CATIP: variants seen among roughly 807,000 people sequenced by gnomAD.
CATIP encodes ciliogenesis associated TTC17 interacting protein, also known as ciliogenesis-associated TTC17-interacting protein.
Under a neutral mutation model 42.5 loss-of-function variants are expected in CATIP, and 40 were observed. The ratio of observed to expected loss-of-function variants is 0.94; its 90% CI spans 0.73 to 1.22. The LOEUF is 1.22. CATIP is among the 50% of genes most tolerant of loss of function. The probability of loss-of-function intolerance (pLI) is 0.00; values close to 1 mark genes in which losing one functional copy is unlikely to be tolerated. For missense variants in CATIP, 489 were observed against 496.0 expected (o/e 0.99, Z 0.13); for synonymous variants, 222 against 200.2 (o/e 1.11, Z -0.92).
At chr2:218,358,883 C>CAAAAAAAAAAA (rs34797850) in intron 4 of CATIP, among the ~76,000 whole-genome samples, 1 of 123,688 alleles carries the variant, frequency 8.1e-6, no homozygotes, top group Non-Finnish European at 1.6e-5. Flanking sequence ...GACCCTGTCT[C>CAAAAAAAAAAA]AAAAAAAAAA....
chr2:218,367,206 C>A (rs1369213943), intron 8 of CATIP, 106 bp downstream of exon 8: 2 of 893,788 alleles, frequency 2.2e-6, no homozygotes, highest in East Asian at 2.6e-5. Context: ...GTAAACGGGA[C>A]AGGAGCCTGG....
rs1207066205 is a variant in CATIP, at chr2:218,367,536, C to A, written c.921+18C>A. The A allele has an allele frequency of 3.7e-6, 6 of 1,612,740 alleles. No individual in the cohort carries two copies. The highest frequency in any genetic ancestry group is 5.1e-6 in the Non-Finnish European group (6 of 1,178,714). On this transcript the variant is annotated intron_variant, in intron 9 of 9. Transcript: ENST00000289388. ...ACCGGAAGGTGAGGGGAGGCTCCAC[C>A]AGCCTGGGGTTCCCATTCCCCCATG... is the stretch of plus-strand genomic sequence containing the variant.
At chr2:218,362,497 G>C (rs928371667) in intron 5 of CATIP, among the ~76,000 whole-genome samples, 1 of 152,016 alleles carries the variant, frequency 6.6e-6, no homozygotes, top group Non-Finnish European at 1.5e-5. Context: ...AATTTAGCCA[G>C]GCATGGTAGC....
chr2:218,357,857 G>C (rs573757108), intron 3 of CATIP, 123 bp downstream of exon 3: 3 of 1,166,022 alleles, frequency 2.6e-6, no homozygotes, highest in East Asian at 2.4e-5. Flanking sequence ...GACAAGGCAC[G>C]GGGTGGGAGA....
At chr2:218,357,259 GTCTCTC>G (rs144807145) in intron 2 of CATIP, 72 bp downstream of exon 2, 105 of 607,680 alleles carry the variant, frequency 1.7e-4, no homozygotes, top group Middle Eastern at 8.2e-4. Flanking sequence ...AGAAAGTCCA[GTCTCTC>G]TCTCTCTCTC....
At chr2:218,360,829 G>GT (rs779798449) in intron 5 of CATIP, among the ~76,000 whole-genome samples, 170 bp downstream of exon 5, 7,385 of 137,424 alleles carry the variant, frequency 0.054, 692 homozygotes, top group African/African-American at 0.19. Flanking sequence ...GGCACAGCTT[G>GT]TTTTTTTTTT....
chr2:218,357,012 A>G (rs978826180), intron 1 of CATIP, 83 bp from the exon 2 acceptor site: 3 of 1,571,622 alleles, frequency 1.9e-6, no homozygotes, highest in Non-Finnish European at 2.6e-6. Context: ...TGCTGGGGCC[A>G]GGACTGAGGT....
chr2:218,357,733 G>T lies in CATIP; in HGVS notation c.318G>T (p.Leu106=). ...AAATGCTCTGCGGAAATTCCCTCCT[G>T]GGTAGCGTTCCTACTGCCTGATGCC... ...LDKMLCGNSL[L]GYLSEKLELM... Residue 106 remains leucine (L), a splice_region_variant and synonymous_variant, in exon 3 of 10, where the codon CTG becomes CTT. Coordinates refer to ENST00000289388, the MANE Select transcript of CATIP (RefSeq NM_198559.2). 6.2e-7 allele frequency: 1 copy of T among 1,612,576 alleles called. No homozygotes were observed. The highest frequency in any genetic ancestry group is 1.7e-5 in the Admixed American group (1 of 59,992).
rs1695536040 is a variant in CATIP at position 218,368,054 on chromosome 2, C to T, written c.*90C>T. On this transcript the variant is annotated 3_prime_UTR_variant, in exon 10 of 10. Coordinates refer to ENST00000289388, the MANE Select transcript of CATIP (RefSeq NM_198559.2). ...CGGGGCGGGTGCGCTTTCCGGGCTG[C>T]GGTTTTGGGGGAATAAATGGGGCCC... is the stretch of plus-strand genomic sequence containing the variant. 1.3e-5 allele frequency: 18 copies of T among 1,404,284 alleles called. No homozygotes were observed. In the South Asian group the frequency reaches 2.2e-4, roughly 18 times the overall value. 87.0% of individuals were successfully genotyped at this position (1,404,284 alleles called of 1,614,324 possible).
intron 4 of CATIP, 125 bp from the exon 5 acceptor site, chr2:218,360,447 GC>G (rs1308392524): frequency 7.0e-6 from 5 of 710,740 alleles, no homozygotes; most frequent in Non-Finnish European, 1.2e-5. Context: ...ACTGTGCCCG[GC>G]CCGGCTGCTT....
intron 2 of CATIP, 105 bp downstream of exon 2, chr2:218,357,292 C>CT (rs1411311766): frequency 1.5e-4 from 55 of 368,220 alleles, no homozygotes; most frequent in Admixed American, 2.6e-4. Context: ...TCTCTCTCTT[C>CT]CTTGATTCTC....
chr2:218,362,564 G>A (rs552650490), intron 5 of CATIP, among the ~76,000 whole-genome samples, 171 bp from the exon 6 acceptor site: 8 of 152,132 alleles, frequency 5.3e-5, no homozygotes, highest in African/African-American at 1.4e-4. Context: ...CCAAGGAGGC[G>A]GAGGTTGCAG....
At chr2:218,364,518 T>G (rs1695355670) in intron 6 of CATIP, 110 bp from the exon 7 acceptor site, 1 of 1,454,240 alleles carries the variant, frequency 6.9e-7, no homozygotes, top group African/African-American at 1.4e-5. Context: ...GATGCAATAT[T>G]AAATGTCTTG....
intron 4 of CATIP, among the ~76,000 whole-genome samples, chr2:218,359,819 T>C (rs995265693): frequency 3.5e-5 from 5 of 143,982 alleles, no homozygotes; most frequent in Non-Finnish European, 1.5e-5. Flanking sequence ...TTTTTTTTTT[T>C]ATTTTATTAT....
At chr2:218,363,203 A>G (rs769183210) in intron 6 of CATIP, among the ~76,000 whole-genome samples, 3 of 151,968 alleles carry the variant, frequency 2.0e-5, no homozygotes, top group Non-Finnish European at 4.4e-5. Flanking sequence ...ATTTTGGGCC[A>G]GGTGTGGTGG....
intron 7 of CATIP, among the ~76,000 whole-genome samples, chr2:218,365,095 C>CAAAAAAAAAA (rs1695382338): frequency 5.9e-5 from 9 of 152,254 alleles, no homozygotes; most frequent in Admixed American, 1.3e-4. Flanking sequence ...CGTGCAGTCT[C>CAAAAAAAAAA]CAGCAAAGCA....
At chr2:218,360,763 A>T in intron 5 of CATIP, 104 bp downstream of exon 5, 2 of 827,268 alleles carry the variant, frequency 2.4e-6, no homozygotes, top group South Asian at 1.5e-5. Flanking sequence ...AAGGTTAAGG[A>T]CGCGCACATG....
In CATIP at chr2:218,367,983, C is replaced by G; in HGVS notation, c.*19C>G. ...GGCCTAAGCGGGGCCCAGGCCCGGA[C>G]AGGGCAGGAAACCAGGGGTCGGGCT... On this transcript the variant is annotated 3_prime_UTR_variant, in exon 10 of 10. Transcript: ENST00000289388. 1 of 1,542,944 alleles carries G rather than the reference C, an allele frequency of 6.5e-7. No individual in the cohort carries two copies. The highest frequency in any genetic ancestry group is 8.7e-7 in the Non-Finnish European group (1 of 1,149,372).
intron 7 of CATIP, 32 bp from the exon 8 acceptor site, chr2:218,366,992 T>G: frequency 1.3e-6 from 2 of 1,562,944 alleles, no homozygotes; most frequent in Non-Finnish European, 1.8e-6. Flanking sequence ...TCTGGGAAGA[T>G]TCTCACTCTC....
Sources: gnomAD v4.1 joint callset for allele counts (sites outside exome capture counted in the v4.1 genomes callset) on GRCh38, gnomAD v4.1.1 for gene constraint, MANE v1.5 for transcripts, NCBI Gene and HGNC (gene_info 2026-07-23, HGNC 2026-07-21) for gene names.